Variants in LRRC4C observed in about 807,000 individuals in gnomAD.
LRRC4C encodes leucine-rich repeat-containing protein 4C.
LRRC4C carries 5 observed loss-of-function variants against 33.6 expected under a neutral mutation model. The ratio of observed to expected loss-of-function variants is 0.15; its 90% CI spans 0.08 to 0.31. The LOEUF (loss-of-function observed/expected upper bound fraction) is 0.31, where lower values mean the gene tolerates loss of function less well. Ranked by LOEUF, LRRC4C falls within the 10% of genes least tolerant of loss-of-function variation. The pLI, the probability that LRRC4C is intolerant of heterozygous loss-of-function variation, is 1.00. For missense variants in LRRC4C, 560 were observed against 796.7 expected, an observed-to-expected ratio of 0.70 and a Z score of 3.58; for synonymous variants, 329 against 302.0, an observed-to-expected ratio of 1.09 and a Z score of -0.93.
intron 4 of LRRC4C, among the ~76,000 whole-genome samples, chr11:40,258,299 T>C (rs190399071): frequency 5.6e-4 from 85 of 152,278 alleles, no homozygotes; most frequent in Non-Finnish European, 1.5e-5. Flanking sequence ...ATAAAAACAG[T>C]CCACCTCAAA....
chr11:40,538,399 T>A (rs1956564885), intron 3 of LRRC4C, among the ~76,000 whole-genome samples: 1 of 152,186 alleles, frequency 6.6e-6, no homozygotes, highest in Non-Finnish European at 1.5e-5. Flanking sequence ...TTTCTGTCAT[T>A]GCGATAGTTT....
At chr11:40,568,314 G>A (rs985716670) in intron 3 of LRRC4C, among the ~76,000 whole-genome samples, 9 of 152,126 alleles carry the variant, frequency 5.9e-5, no homozygotes, top group Non-Finnish European at 8.8e-5. Flanking sequence ...GGGCACATAC[G>A]TTATTGAGCT....
At chr11:40,320,376 G>C (rs937970843) in intron 3 of LRRC4C, among the ~76,000 whole-genome samples, 1 of 151,942 alleles carries the variant, frequency 6.6e-6, no homozygotes, top group Non-Finnish European at 1.5e-5. Flanking sequence ...ATGGTGGTGG[G>C]CGCCTGTAGT....
chr11:40,752,140 T>G (rs1948719200), intron 2 of LRRC4C, among the ~76,000 whole-genome samples: 1 of 152,096 alleles, frequency 6.6e-6, no homozygotes, highest in Non-Finnish European at 1.5e-5. Context: ...AACTCTAAAC[T>G]GTAAAGCTAG....
intron 1 of LRRC4C, among the ~76,000 whole-genome samples, chr11:41,311,199 T>G (rs573360623): frequency 6.6e-6 from 1 of 152,294 alleles, no homozygotes; most frequent in South Asian, 2.1e-4. Flanking sequence ...ACATTTTTTT[T>G]TATATATTCA....
intron 3 of LRRC4C, among the ~76,000 whole-genome samples, chr11:40,544,505 T>C (rs1392581707): frequency 6.6e-6 from 1 of 152,102 alleles, no homozygotes; most frequent in African/African-American, 2.4e-5. Context: ...AGTAGCCCCT[T>C]ACATATATGT....
intron 1 of LRRC4C, among the ~76,000 whole-genome samples, chr11:41,151,876 G>A (rs1389519035): frequency 1.3e-5 from 2 of 152,152 alleles, no homozygotes; most frequent in Admixed American, 6.5e-5. Context: ...TTATTTGATG[G>A]TATTTTTATA....
intron 1 of LRRC4C, among the ~76,000 whole-genome samples, chr11:41,054,599 T>G (rs1323632112): frequency 6.6e-6 from 1 of 152,226 alleles, no homozygotes; most frequent in East Asian, 1.9e-4. Flanking sequence ...ATAGCCCACT[T>G]TAAGAATCAA....
intron 1 of LRRC4C, among the ~76,000 whole-genome samples, chr11:41,427,130 T>C (rs1955069085): frequency 6.6e-6 from 1 of 152,202 alleles, no homozygotes; most frequent in African/African-American, 2.4e-5. Context: ...ACTTAGGTGA[T>C]GACCTATTGC....
chr11:40,600,303 TG>T, intron 3 of LRRC4C, among the ~76,000 whole-genome samples: 1 of 152,308 alleles, frequency 6.6e-6, no homozygotes, highest in Admixed American at 6.5e-5. Flanking sequence ...GTGTAGGTAT[TG>T]TTTTTTCTCC....
intron 1 of LRRC4C, among the ~76,000 whole-genome samples, chr11:41,442,682 GATGGT>G (rs1302867095): frequency 3.3e-5 from 5 of 151,796 alleles, no homozygotes; most frequent in African/African-American, 1.2e-4. Context: ...TGTTAGCCAG[GATGGT>G]CTCGATCTCC....
chr11:40,373,751 C>G (rs947555610), intron 3 of LRRC4C, among the ~76,000 whole-genome samples: 1 of 152,114 alleles, frequency 6.6e-6, no homozygotes, highest in Non-Finnish European at 1.5e-5. Flanking sequence ...CTCAAAGGAG[C>G]TTGGCTCCTA....
At chr11:41,164,963 G>C (rs1052120811) in intron 1 of LRRC4C, among the ~76,000 whole-genome samples, 2 of 152,070 alleles carry the variant, frequency 1.3e-5, no homozygotes, top group Non-Finnish European at 2.9e-5. Flanking sequence ...TCCCAGGATC[G>C]ATTGTATCTT....
chr11:41,013,824 G>A (rs1313706325), intron 1 of LRRC4C, among the ~76,000 whole-genome samples: 1 of 152,098 alleles, frequency 6.6e-6, no homozygotes, highest in Non-Finnish European at 1.5e-5. Context: ...GTATGACTGG[G>A]GAAGCCTCAA....
intron 1 of LRRC4C, among the ~76,000 whole-genome samples, chr11:41,375,003 T>C (rs987838162): frequency 6.6e-6 from 1 of 151,960 alleles, no homozygotes; most frequent in Non-Finnish European, 1.5e-5. Flanking sequence ...GGCATGCATC[T>C]ATGGTCCCAG....
chr11:40,261,603 A>G (rs931933806), intron 4 of LRRC4C, among the ~76,000 whole-genome samples: 6 of 152,204 alleles, frequency 3.9e-5, no homozygotes, highest in Non-Finnish European at 7.4e-5. Context: ...AAAAGGGTAC[A>G]GTACAAGTGG....
chr11:40,936,234 A>T (rs1957891131), intron 1 of LRRC4C, among the ~76,000 whole-genome samples: 2 of 149,938 alleles, frequency 1.3e-5, no homozygotes, highest in African/African-American at 4.9e-5. Flanking sequence ...TTTTATTAAC[A>T]TCTAAATTAG....
At chr11:41,257,479 C>T (rs1487063508) in intron 1 of LRRC4C, among the ~76,000 whole-genome samples, 1 of 152,024 alleles carries the variant, frequency 6.6e-6, no homozygotes, top group East Asian at 1.9e-4. Context: ...AGGTATGGTT[C>T]AGTGCCTACC....
At chr11:40,527,752 G>A (rs2135282638) in intron 3 of LRRC4C, among the ~76,000 whole-genome samples, 1 of 148,182 alleles carries the variant, frequency 6.7e-6, no homozygotes, top group East Asian at 1.9e-4. Flanking sequence ...ACAGTTAGAA[G>A]ATAATTTTTT....
Sources: gnomAD v4.1 joint callset for allele counts (sites outside exome capture counted in the v4.1 genomes callset) on GRCh38, gnomAD v4.1.1 for gene constraint, MANE v1.5 for transcripts, NCBI Gene and HGNC (gene_info 2026-07-23, HGNC 2026-07-21) for gene names.